The following ABCB9 variants were observed in gnomAD, a reference collection of about 807,000 sequenced individuals.
ABCB9 encodes the protein ABC-type oligopeptide transporter ABCB9.
ABCB9 carries 36 observed loss-of-function variants against 62.0 expected under a neutral mutation model. The ratio of observed to expected loss-of-function variants is 0.58; its 90% CI spans 0.45 to 0.77. The LOEUF is 0.77. Ranked by LOEUF, ABCB9 falls within the 30% of genes least tolerant of loss-of-function variation. ABCB9 has a pLI of 0.00. For synonymous variants in ABCB9, 435 were observed against 461.4 expected (o/e 0.94, Z 0.73); for missense variants, 943 against 1,054.7 (o/e 0.89, Z 1.47).
chr12:122,928,339 G>T (rs1476284014), downstream of ABCB9, among the ~76,000 whole-genome samples: 1 of 151,990 alleles, frequency 6.6e-6, no homozygotes, highest in East Asian at 1.9e-4. Context: ...TGTGGTGGTG[G>T]GTGCCTGTAG....
intron 10 of ABCB9, among the ~76,000 whole-genome samples, chr12:122,934,716 G>T (rs1021240370): frequency 1.3e-5 from 2 of 150,448 alleles, no homozygotes; most frequent in African/African-American, 4.9e-5. Context: ...TCTTTCTTCA[G>T]TTCCCTCCTG....
chr12:122,946,339 G>C, intron 5 of ABCB9, 117 bp from the exon 6 acceptor site: 1 of 1,017,796 alleles, frequency 9.8e-7, no homozygotes, highest in Non-Finnish European at 1.5e-6. Flanking sequence ...ATATGCAAGA[G>C]GTTCCTAGGA....
intron 1 of ABCB9, among the ~76,000 whole-genome samples, chr12:122,962,595 ACATTCAGC>A (rs754527997): frequency 1.1e-4 from 17 of 152,204 alleles, no homozygotes; most frequent in Non-Finnish European, 2.2e-4. Flanking sequence ...CCTGATCCAG[ACATTCAGC>A]CAACAAGGGC....
chr12:122,949,921 A>C lies in ABCB9; in HGVS notation c.717-3T>G. The C allele has an allele frequency of 6.2e-7, 1 of 1,614,038 alleles. No individual in the cohort carries two copies. The stretch of plus-strand genomic sequence containing the variant: ...CCCGAATACCTGCGGCAAATGAGCT[A>C]ATTGCAGATAAGAGATATTATAGCA... On this transcript the variant is annotated splice_polypyrimidine_tract_variant and splice_region_variant and intron_variant, in intron 3 of 11. Coordinates refer to ENST00000280560, the MANE Select transcript of ABCB9 (RefSeq NM_019625.4).
At chr12:122,949,125 T>G in intron 4 of ABCB9, 2 of 267,744 alleles carry the variant, frequency 7.5e-6, no homozygotes, top group Non-Finnish European at 1.4e-5. Context: ...GAGCCAGACT[T>G]CAAACCCATG....
At position 122,948,675 on chromosome 12, in the gene ABCB9, C is replaced by T; in HGVS notation, c.1002G>A (p.Met334Ile). 1.9e-6 allele frequency: 3 copies of T among 1,613,992 alleles called. No homozygotes were observed. The South Asian group carries it at 3.3e-5, about 18-fold the overall frequency. The change falls in exon 5 of 12, where the codon ATG becomes ATA. Residue 334 changes from methionine to isoleucine, a missense_variant. Transcript: ENST00000280560. ...ACACCATCATGATGATGGGGAAGCC[C>T]ATGAAGGTGACCAAGGAGAGCTGCC... ...LSWQLSLVTF[M>I]GFPIIMMVSN... is the part of the protein sequence containing the mutation.
At chr12:122,925,665 A>T (rs767420774), downstream of ABCB9, among the ~76,000 whole-genome samples, 1 of 152,020 alleles carries the variant, frequency 6.6e-6, no homozygotes, top group African/African-American at 2.4e-5. Context: ...GGAGAATGGC[A>T]TGAACCCGGG....
chr12:122,924,948 A>C, downstream of ABCB9: 1 of 890,972 alleles, frequency 1.1e-6, no homozygotes, highest in Admixed American at 2.1e-5. Flanking sequence ...ACAGAGTCTC[A>C]CTCTGTCACC....
rs57112984 is a variant in ABCB9 at position 122,972,037 on chromosome 12, C to CTTTTTTTTTTTTT, written c.-88+2665_-88+2677dup. ...TTCATAGCAGCTTCATTCATAATGT[C>CTTTTTTTTTTTTT]TTTTTTTTTTTTTTTTTTTTTTGTT... On this transcript the variant is annotated intron_variant, in intron 1 of 11. Transcript: ENST00000392439. Among the ~76,000 whole-genome samples the CTTTTTTTTTTTTT allele has an allele frequency of 6.0e-5, 6 of 99,270 alleles. 1 individual carries two copies. The highest frequency in any genetic ancestry group is 1.2e-4 in the African/African-American group (3 of 24,452). The allele number at this position is 99,270 out of a possible 152,430, so 65.1% of individuals were successfully genotyped here. A position where few individuals can be genotyped will look rare whatever the true frequency, so the allele number is the denominator to read the frequency against.
At position 122,930,286 on chromosome 12, in the gene ABCB9, G is replaced by T. The variant is rs1006190893; in HGVS notation, c.2041-115C>A. 11 of 1,073,552 alleles carry T rather than the reference G, an allele frequency of 1.0e-5. No homozygotes were observed. The highest frequency in any genetic ancestry group is 2.8e-5 in the Admixed American group (1 of 36,192). The allele number at this position is 1,073,552 out of a possible 1,614,324, so 66.5% of individuals were successfully genotyped here. A position where few individuals can be genotyped will look rare whatever the true frequency, so the allele number is the denominator to read the frequency against. On this transcript the variant is annotated intron_variant, in intron 11 of 11. Coordinates refer to ENST00000280560, the MANE Select transcript of ABCB9 (RefSeq NM_019625.4). The surrounding 1 kb of genome is among the most constrained non-coding windows in gnomAD (Gnocchi z 4.9). ...CCTCTCTGAGGCTCAGTTCACAAACGATGGCCAGCTTCCTGGGTTTTTCTT... is the reference window on the plus strand; with the variant it reads ...CCTCTCTGAGGCTCAGTTCACAAACTATGGCCAGCTTCCTGGGTTTTTCTT...
intron 2 of ABCB9, among the ~76,000 whole-genome samples, chr12:122,954,186 G>C (rs993549585): frequency 6.0e-5 from 9 of 150,110 alleles, no homozygotes; most frequent in African/African-American, 2.2e-4. Flanking sequence ...AAAAAAAAAA[G>C]GACTCCATTT....
At chr12:122,949,452 C>T in intron 4 of ABCB9, 1 of 255,568 alleles carries the variant, frequency 3.9e-6, no homozygotes, top group South Asian at 7.3e-5. Context: ...CCTGCTGACC[C>T]CCATGGGAGC....
In ABCB9 at chr12:122,959,526, A is replaced by G; in HGVS notation, c.601+109T>C. ...ATGCCTGGCCTCTTTTCCTTTTCATATCAATTTGATGTCTGAACCACGTAA... is the reference window on the plus strand; with the variant it reads ...ATGCCTGGCCTCTTTTCCTTTTCATGTCAATTTGATGTCTGAACCACGTAA... On this transcript the variant is annotated intron_variant, in intron 2 of 11. Coordinates refer to ENST00000280560, the MANE Select transcript of ABCB9 (RefSeq NM_019625.4). The surrounding 1 kb of genome is among the most constrained non-coding windows in gnomAD (Gnocchi z 5.4). The G allele has an allele frequency of 1.3e-6, 2 of 1,486,514 alleles. No homozygotes were observed. Among genetic ancestry groups the G allele is most frequent in the Non-Finnish European group, 1.8e-6 (2 of 1,113,878 alleles). 92.1% of individuals were successfully genotyped at this position (1,486,514 alleles called of 1,614,324 possible). A position where few individuals can be genotyped will look rare whatever the true frequency, so the allele number is the denominator to read the frequency against.
rs73408867 is a variant in ABCB9, at chr12:122,950,420, C to T, written c.716+31G>A. ...CCTCCCTGGTGCAGGTCGGGGTGTG[C>T]GGGGCAGGGCGTGGGGGTTGAGCCA... On this transcript the variant is annotated intron_variant, in intron 3 of 11. Transcript: ENST00000280560. 1.5e-3 allele frequency: 2,307 copies of T among 1,573,350 alleles called. 40 individuals carry two copies. The African/African-American group carries it at 0.023, about 16-fold the overall frequency.
Position 122,932,393 on chromosome 12 carries a change from G to T in ABCB9, c.1904-65C>A. On this transcript the variant is annotated intron_variant, in intron 10 of 11. Coordinates refer to ENST00000280560, the MANE Select transcript of ABCB9 (RefSeq NM_019625.4). The surrounding 1 kb of genome is among the most constrained non-coding windows in gnomAD (Gnocchi z 4.7). The stretch of plus-strand genomic sequence containing the variant: ...AGGCCGGGCAGCACCGGGGAAGAGT[G>T]AGAGGCCCTGCCCTGCAGCTGTGGA... The T allele has an allele frequency of 6.7e-7, 1 of 1,501,982 alleles. No homozygotes were observed. Among genetic ancestry groups the T allele is most frequent in the Non-Finnish European group, 8.9e-7 (1 of 1,119,172 alleles). The allele number at this position is 1,501,982 out of a possible 1,614,324, so 93.0% of individuals were successfully genotyped here.
At chr12:122,961,301 C>T (rs1208229815) in intron 1 of ABCB9, among the ~76,000 whole-genome samples, 1 of 152,074 alleles carries the variant, frequency 6.6e-6, no homozygotes, top group Admixed American at 6.6e-5. Context: ...GATTCTCCTG[C>T]CTCAGCCCCC....
chr12:122,966,791 C>A (rs978875791), upstream of ABCB9, among the ~76,000 whole-genome samples: 5 of 152,348 alleles, frequency 3.3e-5, no homozygotes, highest in Admixed American at 2.0e-4. Context: ...ATGGTTTCAC[C>A]TGAAGGAGGC....
At chr12:122,968,761 T>C (rs767098343), upstream of ABCB9, among the ~76,000 whole-genome samples, 1 of 151,388 alleles carries the variant, frequency 6.6e-6, no homozygotes, top group African/African-American at 2.4e-5. Context: ...ATTGCAAGCA[T>C]GTACCAACAC....
chr12:122,972,086 G>C (rs7310654), intron 1 of ABCB9, among the ~76,000 whole-genome samples: 20,049 of 121,336 alleles, frequency 0.17, 4,851 homozygotes, highest in African/African-American at 0.53. Context: ...ACTCTGTCAC[G>C]CAGGCTGGAG....
Sources: gnomAD v4.1 joint callset for allele counts (sites outside exome capture counted in the v4.1 genomes callset) on GRCh38, gnomAD v4.1.1 for gene constraint, Gnocchi (gnomAD v3.1) non-coding constraint, MANE v1.5 for transcripts, NCBI Gene and HGNC (gene_info 2026-07-23, HGNC 2026-07-21) for gene names.